The following PON2 variants were observed in gnomAD, a reference collection of about 807,000 sequenced individuals.
PON2 encodes the protein paraoxonase 2.
A neutral mutation model predicts 36.6 loss-of-function variants in PON2; 27 were observed. That is an observed-to-expected ratio of 0.74 (90% CI 0.54 to 1.02). The LOEUF is 1.02. Among genes scored for constraint, PON2 ranks in the 50% least tolerant of loss-of-function variants. The pLI, the probability that PON2 is intolerant of heterozygous loss-of-function variation, is 0.00. For missense variants in PON2, 363 were observed against 421.1 expected, an observed-to-expected ratio of 0.86 and a Z score of 1.21; for synonymous variants, 149 against 156.3, an observed-to-expected ratio of 0.95 and a Z score of 0.35.
chr7:95,405,617 A>G, intron 8 of PON2, 129 bp from the exon 9 acceptor site: 1 of 905,012 alleles, frequency 1.1e-6, no homozygotes, highest in South Asian at 1.4e-5. Context: ...GCAGTTACCA[A>G]TCTTTTTAAT....
At chr7:95,423,321 CAAAA>C (rs35269697) in intron 2 of PON2, among the ~76,000 whole-genome samples, 1 of 71,154 alleles carries the variant, frequency 1.4e-5, no homozygotes, top group Non-Finnish European at 3.1e-5. Context: ...GGCCACCTCT[CAAAA>C]AAAAAAAAAA....
chr7:95,428,272 G>T (rs1789361013), intron 1 of PON2, among the ~76,000 whole-genome samples: 1 of 152,018 alleles, frequency 6.6e-6, no homozygotes, highest in African/African-American at 2.4e-5. Flanking sequence ...CGAGCCTATG[G>T]TAGGTATAAT....
At chr7:95,407,144 C>T (rs1809721357) in intron 6 of PON2, 76 bp from the exon 7 acceptor site, 2 of 929,038 alleles carry the variant, frequency 2.2e-6, no homozygotes, top group Non-Finnish European at 3.4e-6. Flanking sequence ...AAGAATAAGT[C>T]TTAATAACCT....
intron 3 of PON2, 186 bp downstream of exon 3, chr7:95,416,056 G>A: frequency 9.6e-7 from 1 of 1,044,190 alleles, no homozygotes; most frequent in Non-Finnish European, 1.4e-6. Flanking sequence ...TATCTCAATG[G>A]GCAAAGAGTC....
intron 1 of PON2, among the ~76,000 whole-genome samples, chr7:95,427,081 C>T (rs1038121012): frequency 5.3e-5 from 8 of 152,168 alleles, no homozygotes; most frequent in Non-Finnish European, 1.0e-4. Context: ...AGCCTACCTG[C>T]TATTAACATG....
intron 2 of PON2, among the ~76,000 whole-genome samples, chr7:95,418,782 T>A (rs1562789242): frequency 6.6e-6 from 1 of 152,246 alleles, no homozygotes; most frequent in Non-Finnish European, 1.5e-5. Flanking sequence ...TGGCACTGTT[T>A]GTCACTCTTA....
intron 2 of PON2, among the ~76,000 whole-genome samples, chr7:95,419,559 T>C (rs1789146496): frequency 6.6e-6 from 1 of 152,180 alleles, no homozygotes; most frequent in South Asian, 2.1e-4. Context: ...CCCTTCTTCC[T>C]TTTTAGCCTT....
In PON2 at chr7:95,406,113, A is replaced by G; in HGVS notation, c.906+6T>C. On this transcript the variant is annotated splice_donor_region_variant and intron_variant, in intron 8 of 8. Transcript: ENST00000222572. ...ATTAAGTTTAAAAAACTGAAAATATAAAAACCTCTGACGAGGGAGGATTGT... is the reference window on the plus strand; with the variant it reads ...ATTAAGTTTAAAAAACTGAAAATATGAAAACCTCTGACGAGGGAGGATTGT... 7 of 1,613,128 alleles carry G rather than the reference A, an allele frequency of 4.3e-6. No individual in the cohort carries two copies. The highest frequency in any genetic ancestry group is 5.1e-6 in the Non-Finnish European group (6 of 1,179,266).
intron 2 of PON2, among the ~76,000 whole-genome samples, chr7:95,418,705 A>C (rs1789126808): frequency 6.6e-6 from 1 of 152,206 alleles, no homozygotes. Flanking sequence ...GATATACATT[A>C]ATTTCAATAT....
chr7:95,417,527 T>C (rs536615401), intron 2 of PON2, among the ~76,000 whole-genome samples: 1 of 152,262 alleles, frequency 6.6e-6, no homozygotes, highest in African/African-American at 2.4e-5. Flanking sequence ...AAAACGGTCC[T>C]TGATTTTCAT....
At chr7:95,420,982 CA>C (rs988655484) in intron 2 of PON2, among the ~76,000 whole-genome samples, 30 of 149,908 alleles carry the variant, frequency 2.0e-4, no homozygotes, top group African/African-American at 6.6e-4. Context: ...AGGGCAAAAG[CA>C]AAAAAGAAAA....
At chr7:95,417,690 G>GAC (rs555142509) in intron 2 of PON2, among the ~76,000 whole-genome samples, 8,900 of 93,782 alleles carry the variant, frequency 0.095, 321 homozygotes, top group South Asian at 0.16. Context: ...TGTACACACA[G>GAC]ACACACACAC....
chr7:95,419,008 T>C (rs1283404029), intron 2 of PON2, among the ~76,000 whole-genome samples: 3 of 152,232 alleles, frequency 2.0e-5, no homozygotes, highest in Non-Finnish European at 4.4e-5. Flanking sequence ...TGAGGCATCA[T>C]ATTATCCCTA....
intron 2 of PON2, among the ~76,000 whole-genome samples, chr7:95,417,861 T>C (rs1490362118): frequency 1.4e-5 from 2 of 142,358 alleles, no homozygotes; most frequent in Admixed American, 7.1e-5. Flanking sequence ...AGAAGATATA[T>C]AGAAAAAATT....
In PON2 at chr7:95,424,437, T is replaced by G. The variant is rs1209248731; in HGVS notation, c.145+78A>C. 5.1e-6 allele frequency: 6 copies of G among 1,187,524 alleles called. No homozygotes were observed. The East Asian group carries it at 1.4e-4, about 28-fold the overall frequency. 73.6% of individuals were successfully genotyped at this position (1,187,524 alleles called of 1,614,324 possible). A position where few individuals can be genotyped will look rare whatever the true frequency, so the allele number is the denominator to read the frequency against. On this transcript the variant is annotated intron_variant, in intron 2 of 8. Coordinates refer to ENST00000222572, the MANE Select transcript of PON2 (RefSeq NM_000305.3). The stretch of plus-strand genomic sequence containing the variant: ...CCACTGAAAAGCAGTAATTTCATGC[T>G]AAAATGCCATTAATGAGTGTTTTAA...
rs1183901052 is a variant in PON2, at chr7:95,434,907, C to A, written c.45G>T (p.Ala15=). 7 of 1,539,474 alleles carry A rather than the reference C, an allele frequency of 4.5e-6. No homozygotes were observed. Among genetic ancestry groups the A allele is most frequent in the Non-Finnish European group, 6.1e-6 (7 of 1,145,092 alleles). The change falls in exon 1 of 9, where the codon GCG becomes GCT. Residue 15 remains alanine (A), a synonymous_variant. Transcript: ENST00000222572. ...GTGCCAGAAGCCTCTCGCCCAGGAG[C>A]GCCAGCGCGATCCCCAGCAAGCCCA... ...VAVGLLGIAL[A]LLGERLLALR... is the part of the protein sequence containing the mutation.
intron 1 of PON2, among the ~76,000 whole-genome samples, chr7:95,430,899 TAAA>T (rs11413689): frequency 7.0e-6 from 1 of 143,840 alleles, no homozygotes. Flanking sequence ...GATGGTGGTT[TAAA>T]AAAAAAAAAA....
intron 3 of PON2, chr7:95,415,919 T>C: frequency 3.0e-6 from 1 of 335,772 alleles, no homozygotes; most frequent in East Asian, 6.9e-5. Flanking sequence ...GCCACTGCAC[T>C]CCAGCCGGGG....
Position 95,412,411 on chromosome 7 carries a change from G to A in PON2, c.268C>T (p.Leu90=), listed in dbSNP as rs1364113004. 36 of 1,613,970 alleles carry A rather than the reference G, an allele frequency of 2.2e-5. No individual in the cohort carries two copies. Among genetic ancestry groups the A allele is most frequent in the Non-Finnish European group, 2.8e-5 (33 of 1,180,008 alleles). The change falls in exon 4 of 9, where the codon CTA becomes TTA. Residue 90 remains leucine (L), a synonymous_variant. Coordinates refer to ENST00000222572, the MANE Select transcript of PON2 (RefSeq NM_000305.3). Reference sequence around the variant, plus strand: ...CGTGCCCTTGGTTTTTCTTCTTTTAGATCCATCATTAGTATTCCTCCAGGC... The same window carrying A: ...CGTGCCCTTGGTTTTTCTTCTTTTAAATCCATCATTAGTATTCCTCCAGGC... ...DKPGGILMMD[L]KEEKPRAREL...
Sources: allele counts gnomAD v4.1 joint callset (sites outside exome capture counted in the v4.1 genomes callset), GRCh38; gene constraint gnomAD v4.1.1; transcripts MANE v1.5; gene names NCBI Gene and HGNC (gene_info 2026-07-23, HGNC 2026-07-21).